Variants in MXI1 observed in about 807,000 individuals in gnomAD.
MXI1 encodes the protein max-interacting protein 1.
A neutral mutation model predicts 36.9 loss-of-function variants in MXI1; 18 were observed. The ratio of observed to expected loss-of-function variants is 0.49; its 90% CI spans 0.34 to 0.72. The LOEUF (loss-of-function observed/expected upper bound fraction) is 0.72. Among genes scored for constraint, MXI1 ranks in the 30% least tolerant of loss-of-function variants. The pLI is 0.01. For synonymous variants in MXI1, 160 were observed against 146.7 expected, an observed-to-expected ratio of 1.09 and a Z score of -0.65; for missense variants, 304 against 379.1, an observed-to-expected ratio of 0.80 and a Z score of 1.64.
At chr10:110,236,124 CTTTTTTTTTTTTTTTTTTTTTTTT>C (rs60576710) in intron 2 of MXI1, among the ~76,000 whole-genome samples, 62 of 33,576 alleles carry the variant, frequency 1.8e-3, no homozygotes, top group African/African-American at 5.6e-3. Context: ...GGTTGAAGTT[CTTTTTTTTTTTTTTTTTTTTTTTT>C]TTTTTTTTTT....
rs143281305 is a variant in MXI1 at position 110,249,573 on chromosome 10, T to C, written c.437+4716T>C. Among the ~76,000 whole-genome samples the C allele has an allele frequency of 8.1e-4, 110 of 136,198 alleles. 1 individual carries two copies. In the East Asian group the frequency reaches 0.019, roughly 23 times the overall value. The allele number at this position is 136,198 out of a possible 152,430, so 89.4% of individuals were successfully genotyped here. A position where few individuals can be genotyped will look rare whatever the true frequency, so the allele number is the denominator to read the frequency against. ...CAGCCTCGGTGACAGAGCAAGACTT[T>C]GTCAAAAAAAAAAAAAAAGAAGGTA... On this transcript the variant is annotated intron_variant, in intron 3 of 5. Coordinates refer to ENST00000332674, the MANE Select transcript of MXI1 (RefSeq NM_130439.3).
At chr10:110,252,742 T>C (rs756196032) in intron 3 of MXI1, among the ~76,000 whole-genome samples, 13 of 152,118 alleles carry the variant, frequency 8.5e-5, no homozygotes, top group Admixed American at 6.6e-4. Context: ...AAAAATGATA[T>C]GTGATAGTAG....
At chr10:110,265,342 A>C (rs1856648201) in intron 3 of MXI1, among the ~76,000 whole-genome samples, 1 of 152,208 alleles carries the variant, frequency 6.6e-6, no homozygotes, top group Non-Finnish European at 1.5e-5. Context: ...GTTTGTTTCA[A>C]ACTTCCTTGA....
intron 5 of MXI1, among the ~76,000 whole-genome samples, chr10:110,282,304 A>G (rs1857280900): frequency 6.6e-6 from 1 of 151,886 alleles, no homozygotes; most frequent in Non-Finnish European, 1.5e-5. Flanking sequence ...CCTTTTAAAT[A>G]GTTTTTTCAT....
chr10:110,236,043 T>C (rs1855456464), intron 2 of MXI1, among the ~76,000 whole-genome samples: 1 of 151,684 alleles, frequency 6.6e-6, no homozygotes, highest in South Asian at 2.1e-4. Flanking sequence ...TCTAGCAGTT[T>C]ATAATATTAG....
chr10:110,283,711 TG>T (rs1857342354), intron 5 of MXI1, among the ~76,000 whole-genome samples: 1 of 152,162 alleles, frequency 6.6e-6, no homozygotes, highest in Admixed American at 6.5e-5. Flanking sequence ...AACTCCTTTT[TG>T]TTTTTAACAT....
chr10:110,285,910 T>A lies in MXI1; in HGVS notation c.*923T>A, dbSNP rs1345721813. ...GATTTTGATAACTGTTTATATGTGT[T>A]GAAAACCAAAATGACATCTTTTTAA... On this transcript the variant is annotated 3_prime_UTR_variant, in exon 6 of 6. Coordinates refer to ENST00000332674, the MANE Select transcript of MXI1 (RefSeq NM_130439.3). The A allele has an allele frequency of 6.6e-6, 1 of 152,562 alleles. No homozygotes were observed. Among genetic ancestry groups the A allele is most frequent in the Admixed American group, 6.5e-5 (1 of 15,270 alleles). The allele number at this position is 152,562 out of a possible 1,614,324, so 9.5% of individuals were successfully genotyped here.
intron 2 of MXI1, among the ~76,000 whole-genome samples, chr10:110,236,256 AC>A (rs1410699584): frequency 6.9e-6 from 1 of 145,446 alleles, no homozygotes; most frequent in Non-Finnish European, 1.5e-5. Flanking sequence ...AAATCAGTTG[AC>A]CACAGACTTG....
chr10:110,238,844 G>T (rs1855563387), intron 2 of MXI1, among the ~76,000 whole-genome samples: 2 of 152,146 alleles, frequency 1.3e-5, no homozygotes, highest in South Asian at 4.1e-4. Context: ...AAATTTAGAT[G>T]ATGTGGACAA....
intron 5 of MXI1, among the ~76,000 whole-genome samples, chr10:110,282,402 T>A (rs1418025697): frequency 6.6e-6 from 1 of 150,544 alleles, no homozygotes; most frequent in African/African-American, 2.4e-5. Context: ...TATTTTTGTG[T>A]GGCAGTTTTC....
chr10:110,256,914 CCA>C (rs1362101943), intron 3 of MXI1: 10 of 152,256 alleles, frequency 6.6e-5, no homozygotes, highest in African/African-American at 2.4e-4. Flanking sequence ...ATGTAATTAA[CCA>C]CAGGTAAGTT....
At chr10:110,210,404 G>C in intron 1 of MXI1, 1 of 520,580 alleles carries the variant, frequency 1.9e-6, no homozygotes, top group Non-Finnish European at 2.5e-6. Flanking sequence ...TCTTTTCGCC[G>C]CTGCTGTTTG....
At chr10:110,256,492 A>G (rs763719066) in intron 3 of MXI1, among the ~76,000 whole-genome samples, 1 of 150,588 alleles carries the variant, frequency 6.6e-6, no homozygotes, top group Non-Finnish European at 1.5e-5. Flanking sequence ...AATCCCAGCT[A>G]CTCGGGAGGC....
At position 110,286,529 on chromosome 10, in the gene MXI1, T is replaced by C. The variant is rs1289944664; in HGVS notation, c.*1542T>C. The C allele has an allele frequency of 1.3e-5, 2 of 152,514 alleles. No individual in the cohort carries two copies. The highest frequency in any genetic ancestry group is 2.9e-5 in the Non-Finnish European group (2 of 68,016). 9.4% of individuals were successfully genotyped at this position (152,514 alleles called of 1,614,324 possible). A position where few individuals can be genotyped will look rare whatever the true frequency, so the allele number is the denominator to read the frequency against. On this transcript the variant is annotated 3_prime_UTR_variant, in exon 6 of 6. Transcript: ENST00000332674. ...AAAGCTTTATGATTTTCATAACTTA[T>C]TGCTGATTTTAATGGATTGTTAATT...
chr10:110,254,969 C>A (rs1296972169), intron 3 of MXI1, among the ~76,000 whole-genome samples: 2 of 152,178 alleles, frequency 1.3e-5, no homozygotes, highest in African/African-American at 4.8e-5. Context: ...AAGGTGGCAA[C>A]AGATTTTCAA....
chr10:110,228,716 G>A (rs1855151448), intron 2 of MXI1, among the ~76,000 whole-genome samples: 2 of 152,136 alleles, frequency 1.3e-5, no homozygotes, highest in Non-Finnish European at 2.9e-5. Flanking sequence ...AGAATCAAGG[G>A]TTTGTTAAAG....
At chr10:110,212,504 G>A (rs911102304) in intron 1 of MXI1, among the ~76,000 whole-genome samples, 3 of 152,124 alleles carry the variant, frequency 2.0e-5, no homozygotes, top group African/African-American at 4.8e-5. Context: ...TCAAGACTTA[G>A]ATCAGTTTCC....
chr10:110,228,387 A>G, intron 2 of MXI1, 66 bp downstream of exon 2: 1 of 1,594,960 alleles, frequency 6.3e-7, no homozygotes, highest in Admixed American at 1.7e-5. Context: ...CTGTAATCCC[A>G]AGTCTGAAGG....
At chr10:110,244,200 A>G (rs958838936) in intron 2 of MXI1, among the ~76,000 whole-genome samples, 1 of 152,088 alleles carries the variant, frequency 6.6e-6, no homozygotes, top group African/African-American at 2.4e-5. Context: ...ACTAAACAAT[A>G]ACCATTGCTA....
Sources: allele counts gnomAD v4.1 joint callset (sites outside exome capture counted in the v4.1 genomes callset), GRCh38; gene constraint gnomAD v4.1.1; transcripts MANE v1.5; gene names NCBI Gene and HGNC (gene_info 2026-07-23, HGNC 2026-07-21).